Variants in DGKD observed in about 807,000 individuals in gnomAD.
The protein encoded by DGKD is DAG kinase delta.
A neutral mutation model predicts 154.4 loss-of-function variants in DGKD; 68 were observed. The observed-to-expected ratio is 0.44, with a 90% CI of 0.36 to 0.54. The LOEUF is 0.54. DGKD is among the 20% of genes least tolerant of loss of function. DGKD has a pLI of 0.00. For missense variants in DGKD, 1,343 were observed against 1,593.6 expected (o/e 0.84, Z 2.68); for synonymous variants, 693 against 638.0 (o/e 1.09, Z -1.30).
rs2063326943 is a variant in DGKD, at chr2:233,452,504, G to T, written c.2264+444G>T. On this transcript the variant is annotated intron_variant, in intron 18 of 29. Transcript: ENST00000264057. The surrounding 1 kb of genome is among the most constrained non-coding windows in gnomAD (Gnocchi z 4.0). ...CCTCTAACACCTGCTCTCCTTGTTG[G>T]TGATGCAGAACCACAGACTCTGAGC... is the stretch of plus-strand genomic sequence containing the variant. Among the ~76,000 whole-genome samples, 1 of 152,058 alleles carries T rather than the reference G, an allele frequency of 6.6e-6. No homozygotes were observed. The highest frequency in any genetic ancestry group is 6.5e-5 in the Admixed American group (1 of 15,278).
chr2:233,442,435 A>G (rs2062927795), intron 10 of DGKD: 1 of 309,432 alleles, frequency 3.2e-6, no homozygotes, highest in Non-Finnish European at 6.5e-6. Context: ...CTGATTGTGT[A>G]TAAAAATGTT....
rs775573428 is a variant in DGKD at position 233,437,388 on chromosome 2, G to A, written c.831G>A (p.Ser277=). The change falls in exon 8 of 30, where the codon TCG becomes TCA. Residue 277 remains serine (S), a synonymous_variant. Coordinates refer to ENST00000264057, the MANE Select transcript of DGKD (RefSeq NM_152879.3). ...GACTCTTGTTTCAGGTTCACACATC[G>A]TGTAAAGAATCCTTGCTGACCAAGT... is the stretch of plus-strand genomic sequence containing the variant. ...CLWCKAMVHT[S]CKESLLTKCP... is the part of the protein sequence containing the mutation. The A allele has an allele frequency of 1.4e-5, 22 of 1,614,070 alleles. No homozygotes were observed. In the Admixed American group the frequency reaches 2.5e-4, roughly 18 times the overall value.
At chr2:233,376,571 A>G (rs1702582444) in intron 1 of DGKD, among the ~76,000 whole-genome samples, 1 of 152,240 alleles carries the variant, frequency 6.6e-6, no homozygotes, top group South Asian at 2.1e-4. Flanking sequence ...TTAGGAGGTC[A>G]TTGTATGGAT....
chr2:233,429,274 A>G (rs2062426268), intron 3 of DGKD: 1 of 985,364 alleles, frequency 1.0e-6, no homozygotes, highest in African/African-American at 1.7e-5. Context: ...CATGACTCCT[A>G]ATATAATCCC....
intron 3 of DGKD, among the ~76,000 whole-genome samples, chr2:233,391,264 A>G (rs1287990396): frequency 6.6e-6 from 1 of 152,170 alleles, no homozygotes; most frequent in Non-Finnish European, 1.5e-5. Flanking sequence ...CAAAAGTTCT[A>G]AATGCACAGA....
intron 24 of DGKD, among the ~76,000 whole-genome samples, chr2:233,461,926 T>C (rs557754581): frequency 6.6e-6 from 1 of 152,338 alleles, no homozygotes; most frequent in East Asian, 1.9e-4. Context: ...TGCACCAGGA[T>C]TGTCCTGTTC....
intron 2 of DGKD, chr2:233,388,793 T>G (rs1410746545): frequency 7.2e-6 from 1 of 138,170 alleles, no homozygotes; most frequent in African/African-American, 2.8e-5. Context: ...TCGTCCAGGC[T>G]GGAGTGCAGT....
At chr2:233,413,785 A>G (rs2061890029) in intron 3 of DGKD, among the ~76,000 whole-genome samples, 1 of 152,222 alleles carries the variant, frequency 6.6e-6, no homozygotes. Context: ...TGGCTCTTCA[A>G]ATTCTTGGCT....
Position 233,441,877 on chromosome 2 carries a change from T to C in DGKD, c.1086-10T>C. ...GATGTCATTTCACGGCCTTTCTCTT[T>C]TCTCTGCAGCTTACGGTTATTCCAG... On this transcript the variant is annotated splice_polypyrimidine_tract_variant and intron_variant, in intron 9 of 29. Coordinates refer to ENST00000264057, the MANE Select transcript of DGKD (RefSeq NM_152879.3). This position sits in a 1 kb window ranked among gnomAD's most constrained non-coding sequence, Gnocchi z 5.6. The C allele has an allele frequency of 6.2e-7, 1 of 1,611,162 alleles. No homozygotes were observed. The highest frequency in any genetic ancestry group is 1.1e-5 in the South Asian group (1 of 91,016).
chr2:233,410,003 T>A (rs556857225), intron 3 of DGKD, among the ~76,000 whole-genome samples: 2 of 152,138 alleles, frequency 1.3e-5, no homozygotes, highest in African/African-American at 2.4e-5. Flanking sequence ...TTCTTTTTTT[T>A]AAATTTGGTA....
chr2:233,414,346 CAG>C (rs1449558147), intron 3 of DGKD, among the ~76,000 whole-genome samples: 3 of 152,244 alleles, frequency 2.0e-5, no homozygotes, highest in Non-Finnish European at 2.9e-5. Flanking sequence ...GCTTGGGAAT[CAG>C]GGGCTCCCTT....
In DGKD at chr2:233,459,659, G is replaced by A. The variant is rs778546403; in HGVS notation, c.2695-98G>A. ...GTGGGGTGTCCTGCAAGGCAGGGAC[G>A]GGTGTGTGGAGCAGGAAGGTCATGG... On this transcript the variant is annotated intron_variant, in intron 22 of 29. Transcript: ENST00000264057. This position sits in a 1 kb window ranked among gnomAD's most constrained non-coding sequence, Gnocchi z 5.7. 14 of 1,491,482 alleles carry A rather than the reference G, an allele frequency of 9.4e-6. No individual in the cohort carries two copies. Among genetic ancestry groups the A allele is most frequent in the South Asian group, 1.3e-5 (1 of 77,306 alleles). 92.4% of individuals were successfully genotyped at this position (1,491,482 alleles called of 1,614,324 possible).
chr2:233,454,909 C>A, intron 19 of DGKD, 36 bp downstream of exon 19: 1 of 1,343,598 alleles, frequency 7.4e-7, no homozygotes, highest in Non-Finnish European at 1.1e-6. Flanking sequence ...CTGTCTTTTG[C>A]GTCTTTGTGG....
chr2:233,468,206 AGCTGCTGGGCTATCTCAGGCACTG>A (rs1198591383), intron 28 of DGKD, among the ~76,000 whole-genome samples, 193 bp from the exon 29 acceptor site: 13 of 145,162 alleles, frequency 9.0e-5, no homozygotes, highest in African/African-American at 2.8e-4. Context: ...CTCAGGTGCC[AGCTGCTGGGCTATCTCAGGCACTG>A]GCTGCTGGGC....
rs879575444 is a variant in DGKD, at chr2:233,438,748, T to TATC, written c.1085+370_1085+372dup. Among the ~76,000 whole-genome samples, 458 of 84,112 alleles carry TATC rather than the reference T, an allele frequency of 5.4e-3. 3 individuals are homozygous for TATC. The highest frequency in any genetic ancestry group is 9.0e-3 in the Non-Finnish European group (349 of 38,884). 55.2% of individuals were successfully genotyped at this position (84,112 alleles called of 152,430 possible). A position where few individuals can be genotyped will look rare whatever the true frequency, so the allele number is the denominator to read the frequency against. On this transcript the variant is annotated intron_variant, in intron 9 of 29. Transcript: ENST00000264057. The surrounding 1 kb of genome is among the most constrained non-coding windows in gnomAD (Gnocchi z 4.1). Reference sequence around the variant, plus strand: ...TTTTATAATTTTTTATTTATCTGTCTATCTATCATCTATCTATCTATCTAT... The same window carrying TATC: ...TTTTATAATTTTTTATTTATCTGTCTATCATCTATCATCTATCTATCTATCTAT...
intron 3 of DGKD, among the ~76,000 whole-genome samples, chr2:233,400,842 G>T (rs2061541837): frequency 6.6e-6 from 1 of 152,182 alleles, no homozygotes; most frequent in South Asian, 2.1e-4. Flanking sequence ...AGTTGTTGCA[G>T]CTGAGTGTGT....
intron 26 of DGKD, 72 bp from the exon 27 acceptor site, chr2:233,464,092 A>AC: frequency 3.8e-6 from 6 of 1,594,558 alleles, no homozygotes; most frequent in Non-Finnish European, 4.3e-6. Flanking sequence ...AGCGGACCTC[A>AC]CCCCCCTGGG....
chr2:233,438,885 G>C lies in DGKD; in HGVS notation c.1085+506G>C, dbSNP rs1203775037. Among the ~76,000 whole-genome samples the C allele has an allele frequency of 6.6e-6, 1 of 152,118 alleles. No individual in the cohort carries two copies. The highest frequency in any genetic ancestry group is 1.5e-5 in the Non-Finnish European group (1 of 68,030). On this transcript the variant is annotated intron_variant, in intron 9 of 29. Coordinates refer to ENST00000264057, the MANE Select transcript of DGKD (RefSeq NM_152879.3). This position sits in a 1 kb window ranked among gnomAD's most constrained non-coding sequence, Gnocchi z 4.1. ...CTAACATTGAGGAAGAAGCTGTCCT[G>C]CAGCGAGGCCAGGAGGAGTGTTTGC...
At chr2:233,407,735 C>G (rs2061721036) in intron 3 of DGKD, among the ~76,000 whole-genome samples, 2 of 152,224 alleles carry the variant, frequency 1.3e-5, no homozygotes, top group Admixed American at 1.3e-4. Flanking sequence ...CCACTGCACT[C>G]CAGCCTGGGC....
Sources: gnomAD v4.1 joint callset for allele counts (sites outside exome capture counted in the v4.1 genomes callset) on GRCh38, gnomAD v4.1.1 for gene constraint, Gnocchi (gnomAD v3.1) non-coding constraint, MANE v1.5 for transcripts, NCBI Gene and HGNC (gene_info 2026-07-23, HGNC 2026-07-21) for gene names.